DNAAF9: variants seen among roughly 807,000 people sequenced by gnomAD.
The protein encoded by DNAAF9 is shulin.
Under a neutral mutation model 167.0 loss-of-function variants are expected in DNAAF9, and 90 were observed. The ratio of observed to expected loss-of-function variants is 0.54; its 90% CI spans 0.45 to 0.64. DNAAF9 has a LOEUF of 0.64. Ranked by LOEUF, DNAAF9 falls within the 30% of genes least tolerant of loss-of-function variation. DNAAF9 has a pLI of 0.00. For synonymous variants in DNAAF9, 491 were observed against 508.8 expected, an observed-to-expected ratio of 0.96 and a Z score of 0.47; for missense variants, 1,315 against 1,442.2, an observed-to-expected ratio of 0.91 and a Z score of 1.43.
At chr20:3,285,765 G>T (rs557509284) in intron 27 of DNAAF9, among the ~76,000 whole-genome samples, 28 of 151,348 alleles carry the variant, frequency 1.9e-4, no homozygotes, top group African/African-American at 6.1e-4. Flanking sequence ...GATCACCTGA[G>T]GTCAGGAGTT....
Position 3,330,664 on chromosome 20 carries a change from G to T in DNAAF9, c.1082C>A (p.Pro361His). ...VPYLGGDSKL[P>H]KKTEQIRLLS... ...GACTTACATTTGTTCAGTTTTCTTGGGCAGCTTGCTGTCACCACCTGTGAA... is the reference window on the plus strand; with the variant it reads ...GACTTACATTTGTTCAGTTTTCTTGTGCAGCTTGCTGTCACCACCTGTGAA... The change falls in exon 12 of 37, where the codon CCC becomes CAC. Residue 361 changes from proline to histidine, a missense_variant. Physicochemically the swap from Pro to His is moderately conservative, Grantham distance 77. Coordinates refer to ENST00000252032, the MANE Select transcript of DNAAF9 (RefSeq NM_001009984.3). The T allele has an allele frequency of 6.2e-7, 1 of 1,600,962 alleles. No homozygotes were observed. Among genetic ancestry groups the T allele is most frequent in the Non-Finnish European group, 8.5e-7 (1 of 1,170,034 alleles).
intron 16 of DNAAF9, 89 bp downstream of exon 16, chr20:3,322,128 C>T: frequency 1.1e-6 from 1 of 911,266 alleles, no homozygotes; most frequent in South Asian, 1.4e-5. Context: ...GTGGGCTGCC[C>T]AAGACCCCCA....
intron 7 of DNAAF9, among the ~76,000 whole-genome samples, chr20:3,357,845 C>CA (rs1194945760): frequency 3.3e-5 from 5 of 150,800 alleles, no homozygotes; most frequent in Admixed American, 2.0e-4. Flanking sequence ...CTGATCTCTA[C>CA]AAAAAAAATA....
intron 27 of DNAAF9, among the ~76,000 whole-genome samples, chr20:3,283,446 C>T (rs2068795686): frequency 6.6e-6 from 1 of 152,218 alleles, no homozygotes; most frequent in South Asian, 2.1e-4. Flanking sequence ...TCTAAGAGTT[C>T]CCCCAGGGGG....
At chr20:3,313,889 C>T (rs1230891369) in intron 20 of DNAAF9, among the ~76,000 whole-genome samples, 1 of 152,110 alleles carries the variant, frequency 6.6e-6, no homozygotes, top group Non-Finnish European at 1.5e-5. Flanking sequence ...CAGGGTAGAA[C>T]CAAGAGCACC....
At chr20:3,355,684 C>CA (rs1379146577) in intron 7 of DNAAF9, among the ~76,000 whole-genome samples, 1 of 152,116 alleles carries the variant, frequency 6.6e-6, no homozygotes, top group Non-Finnish European at 1.5e-5. Context: ...ATTCATATAG[C>CA]AATTACACTA....
chr20:3,256,069 C>T lies in DNAAF9; in HGVS notation c.3198G>A (p.Val1066=). Residue 1066 remains valine (V), a synonymous_variant, in exon 34 of 37, where the codon GTG becomes GTA. Transcript: ENST00000252032. ...CTTCCTTCAGGGAGCAGCCGATGAACACAAGGTAGCACTCCTGCTGCCCGC... is the reference window on the plus strand; with the variant it reads ...CTTCCTTCAGGGAGCAGCCGATGAATACAAGGTAGCACTCCTGCTGCCCGC... ...DSSGQQECYL[V]FIGCSLKEDS... The T allele has an allele frequency of 1.2e-6, 2 of 1,614,172 alleles. No individual in the cohort carries two copies. The highest frequency in any genetic ancestry group is 8.5e-7 in the Non-Finnish European group (1 of 1,180,028).
At chr20:3,255,929 G>A in intron 34 of DNAAF9, 77 bp downstream of exon 34, 1 of 1,090,464 alleles carries the variant, frequency 9.2e-7, no homozygotes, top group Non-Finnish European at 1.4e-6. Flanking sequence ...GGCAGTGGCG[G>A]GGCTTCTCAG....
intron 6 of DNAAF9, among the ~76,000 whole-genome samples, chr20:3,366,774 A>G (rs1297824137): frequency 6.6e-6 from 1 of 151,898 alleles, no homozygotes; most frequent in Non-Finnish European, 1.5e-5. Flanking sequence ...AAAATAAAAA[A>G]GTTAGCTGGG....
intron 8 of DNAAF9, 143 bp from the exon 9 acceptor site, chr20:3,343,874 C>CGT (rs1428323819): frequency 1.9e-6 from 1 of 526,682 alleles, no homozygotes; most frequent in Non-Finnish European, 3.4e-6. Flanking sequence ...TGTGCATGTG[C>CGT]GTGTGTGTGA....
rs1568606105 is a variant in DNAAF9, at chr20:3,326,299, A to C, written c.1101-15T>G. The C allele has an allele frequency of 6.4e-7, 1 of 1,554,784 alleles. No homozygotes were observed. The highest frequency in any genetic ancestry group is 8.9e-7 in the Non-Finnish European group (1 of 1,126,990). Reference sequence around the variant, plus strand: ...ACAATAGCCTACTTTAAAAACAAAAAATAATGGTTAACATTACAGCATCAT... The same window carrying C: ...ACAATAGCCTACTTTAAAAACAAAACATAATGGTTAACATTACAGCATCAT... On this transcript the variant is annotated splice_polypyrimidine_tract_variant and intron_variant, in intron 12 of 36. Transcript: ENST00000252032.
At chr20:3,275,307 A>T (rs2068658597) in intron 29 of DNAAF9, among the ~76,000 whole-genome samples, 1 of 152,124 alleles carries the variant, frequency 6.6e-6, no homozygotes, top group Admixed American at 6.5e-5. Flanking sequence ...AAGATCTATA[A>T]ATACCCTAGG....
intron 9 of DNAAF9, among the ~76,000 whole-genome samples, chr20:3,341,012 G>A (rs902006941): frequency 6.6e-6 from 1 of 152,160 alleles, no homozygotes. Flanking sequence ...TGACAGTTAT[G>A]ATACTTGGAC....
intron 33 of DNAAF9, among the ~76,000 whole-genome samples, chr20:3,258,274 G>T (rs528339264): frequency 3.9e-4 from 59 of 152,340 alleles, no homozygotes; most frequent in African/African-American, 1.4e-3. Context: ...CCTGAGATTA[G>T]TGGGCTTGGG....
At chr20:3,296,348 C>A (rs767315651) in intron 23 of DNAAF9, 5 of 336,390 alleles carry the variant, frequency 1.5e-5, no homozygotes, top group Non-Finnish European at 2.9e-5. Flanking sequence ...TGGCCCCTCA[C>A]AGCCACACTG....
At position 3,315,226 on chromosome 20, in the gene DNAAF9, G is replaced by A; in HGVS notation, c.1591-106C>T. 1 of 742,142 alleles carries A rather than the reference G, an allele frequency of 1.3e-6. No homozygotes were observed. The allele number at this position is 742,142 out of a possible 1,614,324, so 46.0% of individuals were successfully genotyped here. A position where few individuals can be genotyped will look rare whatever the true frequency, so the allele number is the denominator to read the frequency against. On this transcript the variant is annotated intron_variant, in intron 19 of 36. Transcript: ENST00000252032. This position sits in a 1 kb window ranked among gnomAD's most constrained non-coding sequence, Gnocchi z 4.1. ...TGCCCAATTATGTCCGTCTACAAAA[G>A]CTGAGTCAGGCTCAGATATGCCCAA...
At chr20:3,303,142 T>C (rs1568591309) in intron 21 of DNAAF9, among the ~76,000 whole-genome samples, 1 of 151,720 alleles carries the variant, frequency 6.6e-6, no homozygotes, top group Non-Finnish European at 1.5e-5. Flanking sequence ...CTCAGGAGGC[T>C]GACGCGGGAG....
chr20:3,381,607 G>T, intron 2 of DNAAF9, 109 bp from the exon 3 acceptor site: 1 of 1,113,888 alleles, frequency 9.0e-7, no homozygotes, highest in Non-Finnish European at 1.2e-6. Context: ...GAAGGACGCA[G>T]CTCAGACCAG....
intron 20 of DNAAF9, among the ~76,000 whole-genome samples, chr20:3,311,617 TATAGGGCC>T (rs2069414768): frequency 6.6e-6 from 1 of 152,172 alleles, no homozygotes; most frequent in African/African-American, 2.4e-5. Flanking sequence ...AAAGGAATAC[TATAGGGCC>T]ATGAAAATGA....
Sources: allele counts gnomAD v4.1 joint callset (sites outside exome capture counted in the v4.1 genomes callset), GRCh38; gene constraint gnomAD v4.1.1; non-coding constraint Gnocchi (gnomAD v3.1); transcripts MANE v1.5; gene names NCBI Gene and HGNC (gene_info 2026-07-23, HGNC 2026-07-21).